Variants in ADGB observed in about 807,000 individuals in gnomAD.
ADGB encodes the protein calpain-7-like protein.
A neutral mutation model predicts 210.5 loss-of-function variants in ADGB; 172 were observed. The observed-to-expected ratio is 0.82, with a 90% CI of 0.72 to 0.93. The LOEUF (loss-of-function observed/expected upper bound fraction) is 0.93, where lower values mean the gene tolerates loss of function less well. Among genes scored for constraint, ADGB ranks in the 40% least tolerant of loss-of-function variants. The probability of loss-of-function intolerance (pLI) is 0.00; values close to 1 mark genes in which losing one functional copy is unlikely to be tolerated. For missense variants in ADGB, 2,025 were observed against 1,964.8 expected (o/e 1.03, Z -0.58); for synonymous variants, 658 against 662.7 (o/e 0.99, Z 0.11).
In ADGB at chr6:146,695,099, CAG is replaced by C. The variant is rs201107784; in HGVS notation, c.1577+2187_1577+2188del. ...GCATTATTACTATACTGTCTTCTAA[CAG>C]AGGGACCTCAAGGACTTTGAGGAAC... On this transcript the variant is annotated intron_variant, in intron 12 of 35. Transcript: ENST00000397944. Among the ~76,000 whole-genome samples the C allele has an allele frequency of 1.7e-3, 265 of 152,258 alleles. 4 individuals carry two copies. The East Asian group carries it at 0.026, about 15-fold the overall frequency.
chr6:146,636,955 C>T (rs1034898258), intron 2 of ADGB, among the ~76,000 whole-genome samples: 9 of 151,990 alleles, frequency 5.9e-5, no homozygotes. Context: ...ACCCTTTCCT[C>T]TAAGTCCAGA....
chr6:146,764,153 A>T (rs1008551285), intron 28 of ADGB, 53 bp downstream of exon 28: 30 of 1,412,314 alleles, frequency 2.1e-5, no homozygotes, highest in Non-Finnish European at 2.6e-5. Context: ...CTAACATAAA[A>T]CAAAACAATC....
chr6:146,803,349 G>T (rs1267788860), intron 35 of ADGB: 31 of 1,606,220 alleles, frequency 1.9e-5, no homozygotes, highest in Non-Finnish European at 2.6e-5. Flanking sequence ...AACCAAATAT[G>T]TTCGACTGTC....
In ADGB at chr6:146,701,060, C is replaced by T. The variant is rs1776482764; in HGVS notation, c.1697C>T (p.Ala566Val). 1 of 1,550,390 alleles carries T rather than the reference C, an allele frequency of 6.4e-7. No homozygotes were observed. Among genetic ancestry groups the T allele is most frequent in the Non-Finnish European group, 8.7e-7 (1 of 1,146,266 alleles). Residue 566 changes from alanine to valine, a missense_variant, in exon 13 of 36, where the codon GCT becomes GTT. Coordinates refer to ENST00000397944, the MANE Select transcript of ADGB (RefSeq NM_024694.4). Reference protein sequence around the residue: ...SQTDLSQITKATSQGNTASQV... With the variant: ...SQTDLSQITKVTSQGNTASQV... ...ACAGACTTGAGTCAAATAACAAAAG[C>T]TACATCTCAGGTGACTATGTTACTC...
At chr6:146,696,604 A>G (rs1427709660) in intron 12 of ADGB, among the ~76,000 whole-genome samples, 1 of 152,190 alleles carries the variant, frequency 6.6e-6, no homozygotes, top group Non-Finnish European at 1.5e-5. Context: ...AAATAAAGTG[A>G]TATGAAAATA....
chr6:146,703,513 A>G (rs575332074), intron 13 of ADGB, among the ~76,000 whole-genome samples: 15 of 151,874 alleles, frequency 9.9e-5, no homozygotes, highest in African/African-American at 2.2e-4. Context: ...TATTTTCCCA[A>G]TCACCCACAT....
At chr6:146,805,501 G>T (rs1196945433) in intron 35 of ADGB, among the ~76,000 whole-genome samples, 1 of 152,186 alleles carries the variant, frequency 6.6e-6, no homozygotes, top group Non-Finnish European at 1.5e-5. Flanking sequence ...AATGAAGGTA[G>T]AATTATTTCA....
intron 29 of ADGB, among the ~76,000 whole-genome samples, chr6:146,771,917 C>T (rs141270395): frequency 1.3e-5 from 2 of 152,104 alleles, no homozygotes; most frequent in Non-Finnish European, 2.9e-5. Flanking sequence ...AGAATGACAG[C>T]CAGTTCTGAT....
chr6:146,753,500 T>C (rs1262836688), intron 27 of ADGB, among the ~76,000 whole-genome samples: 5 of 152,028 alleles, frequency 3.3e-5, no homozygotes, highest in Non-Finnish European at 7.4e-5. Context: ...TGATGACGTA[T>C]TTCCTTTTCT....
At chr6:146,729,950 A>C (rs1395016823) in intron 20 of ADGB, among the ~76,000 whole-genome samples, 1 of 152,160 alleles carries the variant, frequency 6.6e-6, no homozygotes, top group Admixed American at 6.5e-5. Flanking sequence ...TGTAGATTCC[A>C]GTTGTGACAA....
In ADGB at chr6:146,721,390, TA is replaced by T. The variant is rs1562283140; in HGVS notation, c.1993-11del. ...CTGATATTAAGTATGACAACTGGTC[TA>T]ATTTCTTGCAGTTCTCAGAAGAACG... is the stretch of plus-strand genomic sequence containing the variant. On this transcript the variant is annotated splice_polypyrimidine_tract_variant and intron_variant, in intron 16 of 35. Transcript: ENST00000397944. The T allele has an allele frequency of 1.0e-5, 15 of 1,472,984 alleles. No individual in the cohort carries two copies. Among genetic ancestry groups the T allele is most frequent in the Non-Finnish European group, 1.3e-5 (14 of 1,075,148 alleles). 91.2% of individuals were successfully genotyped at this position (1,472,984 alleles called of 1,614,324 possible).
At chr6:146,655,835 T>C (rs1226076441) in intron 4 of ADGB, among the ~76,000 whole-genome samples, 1 of 152,122 alleles carries the variant, frequency 6.6e-6, no homozygotes, top group Non-Finnish European at 1.5e-5. Context: ...TTATCAAACA[T>C]TAAGAATTTC....
At chr6:146,692,429 A>G (rs1179999854) in intron 11 of ADGB, among the ~76,000 whole-genome samples, 20 of 152,108 alleles carry the variant, frequency 1.3e-4, no homozygotes, top group Admixed American at 1.3e-3. Flanking sequence ...ATGTTAGTTC[A>G]CATTTCCTCC....
At chr6:146,788,340 G>T in intron 32 of ADGB, 49 bp from the exon 33 acceptor site, 1 of 1,493,852 alleles carries the variant, frequency 6.7e-7, no homozygotes, top group South Asian at 1.2e-5. Context: ...GTTTGCATGT[G>T]ATTTCATGGA....
chr6:146,641,973 C>T (rs796548290), intron 2 of ADGB, among the ~76,000 whole-genome samples: 22 of 152,170 alleles, frequency 1.4e-4, no homozygotes, highest in African/African-American at 5.3e-4. Flanking sequence ...AGACAAACTA[C>T]AGAATGGGAG....
rs893219807 is a variant in ADGB, at chr6:146,704,929, C to G, written c.1707+3859C>G. Among the ~76,000 whole-genome samples, 8 of 152,162 alleles carry G rather than the reference C, an allele frequency of 5.3e-5. 1 individual carries two copies. The highest frequency in any genetic ancestry group is 4.2e-4 in the South Asian group (2 of 4,816). On this transcript the variant is annotated intron_variant, in intron 13 of 35. Transcript: ENST00000397944. ...CTGTACATTGCTTTGGCTAGTACAG[C>G]CATTTTAACAATATGAATTCTTTCA...
intron 11 of ADGB, among the ~76,000 whole-genome samples, 156 bp downstream of exon 11, chr6:146,691,446 A>T (rs796868084): frequency 0.052 from 795 of 15,394 alleles, 7 homozygotes; most frequent in Non-Finnish European, 0.062. Context: ...ATATATAAAA[A>T]TATATATATA....
chr6:146,814,988 T>C lies in ADGB; in HGVS notation c.4819-44T>C, dbSNP rs1583653619. 5.3e-6 allele frequency: 8 copies of C among 1,502,986 alleles called. No individual in the cohort carries two copies. The South Asian group carries it at 7.9e-5, about 15-fold the overall frequency. 93.1% of individuals were successfully genotyped at this position (1,502,986 alleles called of 1,614,324 possible). ...TTTTTTCTTTCTGGGAACATAAGCC[T>C]TTACCAGTGGAACTTATTTGTTTGG... On this transcript the variant is annotated intron_variant, in intron 35 of 35. Coordinates refer to ENST00000397944, the MANE Select transcript of ADGB (RefSeq NM_024694.4).
chr6:146,727,103 T>C (rs1342363082), intron 19 of ADGB, among the ~76,000 whole-genome samples: 1 of 152,076 alleles, frequency 6.6e-6, no homozygotes, highest in African/African-American at 2.4e-5. Context: ...TACACATGCA[T>C]TTGGGACAAT....
Sources: gnomAD v4.1 joint callset for allele counts (sites outside exome capture counted in the v4.1 genomes callset) on GRCh38, gnomAD v4.1.1 for gene constraint, MANE v1.5 for transcripts, NCBI Gene and HGNC (gene_info 2026-07-23, HGNC 2026-07-21) for gene names.